Variants in STXBP5L observed in about 807,000 individuals in gnomAD.
The protein encoded by STXBP5L is syntaxin binding protein 5L, also known as syntaxin-binding protein 5-like.
In STXBP5L, 65 loss-of-function variants were observed where a neutral mutation model predicts 144.5. The observed-to-expected ratio is 0.45, with a 90% CI of 0.37 to 0.55. STXBP5L has a LOEUF of 0.55. Among genes scored for constraint, STXBP5L ranks in the 20% least tolerant of loss-of-function variants. STXBP5L has a pLI of 0.00. For missense variants in STXBP5L, 1,298 were observed against 1,405.5 expected, an observed-to-expected ratio of 0.92 and a Z score of 1.22; for synonymous variants, 505 against 469.6, an observed-to-expected ratio of 1.08 and a Z score of -0.97.
intron 20 of STXBP5L, among the ~76,000 whole-genome samples, chr3:121,323,966 A>G (rs1355454): frequency 0.12 from 18,305 of 152,124 alleles, 1,154 homozygotes; most frequent in Non-Finnish European, 0.14. Context: ...CTAATGTCCT[A>G]TTGAATGTAT....
intron 22 of STXBP5L, among the ~76,000 whole-genome samples, chr3:121,405,669 T>C (rs978584241): frequency 1.3e-5 from 2 of 152,128 alleles, no homozygotes; most frequent in Admixed American, 1.3e-4. Context: ...TCTGAAGTAG[T>C]AGCTGCTTAT....
chr3:121,094,706 T>A (rs1313279744), intron 5 of STXBP5L, among the ~76,000 whole-genome samples: 1 of 152,212 alleles, frequency 6.6e-6, no homozygotes, highest in Non-Finnish European at 1.5e-5. Context: ...AACACACTGA[T>A]GGGTCTTGAC....
intron 3 of STXBP5L, among the ~76,000 whole-genome samples, chr3:121,027,073 A>G (rs1307597188): frequency 6.6e-6 from 1 of 151,874 alleles, no homozygotes; most frequent in Non-Finnish European, 1.5e-5. Flanking sequence ...AAATGAATGT[A>G]AGTTTTTCTA....
chr3:120,959,164 G>A (rs1421134645), intron 3 of STXBP5L, among the ~76,000 whole-genome samples: 1 of 152,150 alleles, frequency 6.6e-6, no homozygotes, highest in African/African-American at 2.4e-5. Flanking sequence ...GCTTCAAAGA[G>A]AATAAAATAC....
At chr3:121,005,705 C>T (rs1944233721) in intron 3 of STXBP5L, among the ~76,000 whole-genome samples, 1 of 152,152 alleles carries the variant, frequency 6.6e-6, no homozygotes, top group Non-Finnish European at 1.5e-5. Context: ...ATAAATTTCC[C>T]TCTACACACT....
At chr3:121,042,023 ATTAT>A (rs1165481672) in intron 4 of STXBP5L, among the ~76,000 whole-genome samples, 1 of 152,108 alleles carries the variant, frequency 6.6e-6, no homozygotes, top group Non-Finnish European at 1.5e-5. Context: ...ATTTAGTTTA[ATTAT>A]TTAAATTAAG....
At chr3:120,932,337 C>T (rs1709987539) in intron 2 of STXBP5L, among the ~76,000 whole-genome samples, 4 of 152,074 alleles carry the variant, frequency 2.6e-5, no homozygotes, top group Admixed American at 2.0e-4. Context: ...ATTTCTTTCC[C>T]TCTCCACTTT....
At chr3:121,282,215 TTC>T (rs1251015298) in intron 19 of STXBP5L, 21 of 1,576,414 alleles carry the variant, frequency 1.3e-5, no homozygotes, top group Non-Finnish European at 1.7e-5. Context: ...AGACTTTTTT[TTC>T]TCTTTCTTCT....
At chr3:121,312,216 A>T (rs1318473328) in intron 19 of STXBP5L, among the ~76,000 whole-genome samples, 1 of 152,076 alleles carries the variant, frequency 6.6e-6, no homozygotes, top group Admixed American at 6.6e-5. Context: ...AGACTTAAAC[A>T]TTAGACCTAA....
intron 5 of STXBP5L, among the ~76,000 whole-genome samples, chr3:121,076,316 C>G (rs901724910): frequency 6.6e-6 from 1 of 152,174 alleles, no homozygotes; most frequent in African/African-American, 2.4e-5. Context: ...AGCCTCCTGT[C>G]TAAGCCTTGT....
intron 3 of STXBP5L, among the ~76,000 whole-genome samples, chr3:120,960,888 A>T (rs1024341356): frequency 6.6e-6 from 1 of 152,106 alleles, no homozygotes; most frequent in African/African-American, 2.4e-5. Context: ...GTGCACATGT[A>T]CCCTAAAACT....
chr3:121,418,471 G>T lies in STXBP5L; in HGVS notation c.3361G>T (p.Glu1121Ter). The change falls in exon 26 of 27, where the codon GAA (glutamate) becomes TAA (stop). Residue 1121 changes from glutamate (E) to a stop codon, truncating the protein, a stop_gained. Coordinates refer to ENST00000471454, the MANE Select transcript of STXBP5L (RefSeq NM_001308330.2). LOFTEE classifies it high-confidence loss of function. ...GACCCGTGCACGGATTGCACTTGAT[G>T]AAAGAGGACAGAGGCTAGGAGAGCT... Reference protein sequence around the residue: ...ELTRARIALDERGQRLGELEE... With the variant: ...ELTRARIALD The T allele has an allele frequency of 6.2e-7, 1 of 1,614,136 alleles. No individual in the cohort carries two copies. Among genetic ancestry groups the T allele is most frequent in the Non-Finnish European group, 8.5e-7 (1 of 1,179,996 alleles).
intron 5 of STXBP5L, among the ~76,000 whole-genome samples, chr3:121,105,179 C>T (rs1317589346): frequency 2.0e-5 from 3 of 152,016 alleles, no homozygotes; most frequent in Non-Finnish European, 2.9e-5. Flanking sequence ...GGGTGTATCA[C>T]GAGGTCAAGA....
intron 5 of STXBP5L, among the ~76,000 whole-genome samples, chr3:121,084,370 C>T (rs1213650308): frequency 6.6e-6 from 1 of 152,098 alleles, no homozygotes; most frequent in Non-Finnish European, 1.5e-5. Flanking sequence ...CCCGCCTACC[C>T]TCAACAGGCC....
rs1305826413 is a variant in STXBP5L, at chr3:121,062,900, A to G, written c.470+17365A>G. Among the ~76,000 whole-genome samples, 4 of 152,192 alleles carry G rather than the reference A, an allele frequency of 2.6e-5. No homozygotes were observed. In the East Asian group the frequency reaches 5.8e-4, roughly 22 times the overall value. ...TCTAAATTAGTTATTCTAGTTAGCA[A>G]TGCATCTGACCTTTTTTCTAGGTTC... On this transcript the variant is annotated intron_variant, in intron 5 of 26. Coordinates refer to ENST00000471454, the MANE Select transcript of STXBP5L (RefSeq NM_001308330.2).
chr3:121,406,849 A>T (rs953135692), intron 22 of STXBP5L, among the ~76,000 whole-genome samples: 1 of 151,998 alleles, frequency 6.6e-6, no homozygotes, highest in African/African-American at 2.4e-5. Flanking sequence ...CATTTTTAAA[A>T]TTTTCTTTTT....
At chr3:121,277,474 A>G (rs1055355113) in intron 18 of STXBP5L, among the ~76,000 whole-genome samples, 2 of 152,010 alleles carry the variant, frequency 1.3e-5, no homozygotes, top group African/African-American at 4.8e-5. Flanking sequence ...TATATCTCTA[A>G]GGCTTTTTTA....
chr3:121,059,301 C>T (rs1012419873), intron 5 of STXBP5L, among the ~76,000 whole-genome samples: 7 of 152,104 alleles, frequency 4.6e-5, no homozygotes, highest in Non-Finnish European at 8.8e-5. Flanking sequence ...GGTGTTATTT[C>T]TGAGGCCTCT....
chr3:121,029,921 GA>G (rs1946243130), intron 3 of STXBP5L, among the ~76,000 whole-genome samples: 1 of 151,940 alleles, frequency 6.6e-6, no homozygotes, highest in African/African-American at 2.4e-5. Context: ...ACATACATAT[GA>G]AAAAAAGCTC....
Sources: allele counts gnomAD v4.1 joint callset (sites outside exome capture counted in the v4.1 genomes callset), GRCh38; gene constraint gnomAD v4.1.1; transcripts MANE v1.5; gene names NCBI Gene and HGNC (gene_info 2026-07-23, HGNC 2026-07-21).